Variants in EPN2 observed in about 807,000 individuals in gnomAD.
EPN2 encodes the protein epsin 2.
EPN2 carries 34 observed loss-of-function variants against 61.7 expected under a neutral mutation model. The ratio of observed to expected loss-of-function variants is 0.55; its 90% confidence interval spans 0.42 to 0.73. The LOEUF (loss-of-function observed/expected upper bound fraction) is 0.73. EPN2 is among the 30% of genes least tolerant of loss of function. The pLI is 0.00. For synonymous variants in EPN2, 349 were observed against 353.6 expected (o/e 0.99, Z 0.15); for missense variants, 714 against 839.2 (o/e 0.85, Z 1.84).
intron 7 of EPN2, among the ~76,000 whole-genome samples, chr17:19,322,990 CAG>C (rs1477262512): frequency 1.3e-5 from 2 of 152,126 alleles, no homozygotes; most frequent in African/African-American, 4.8e-5. Flanking sequence ...CTCGGAGGCT[CAG>C]GGGAGCATTC....
At chr17:19,272,934 C>T (rs2152212975) in intron 1 of EPN2, among the ~76,000 whole-genome samples, 1 of 152,322 alleles carries the variant, frequency 6.6e-6, no homozygotes, top group South Asian at 2.1e-4. Context: ...AAAAAGACTG[C>T]ATTTCCTCAC....
chr17:19,326,770 C>T (rs537917738), intron 7 of EPN2, among the ~76,000 whole-genome samples: 4 of 150,186 alleles, frequency 2.7e-5, no homozygotes, highest in South Asian at 2.1e-4. Context: ...ACTTGACTTA[C>T]GACAGAGGAG....
chr17:19,239,895 T>G (rs2079505134), intron 1 of EPN2, among the ~76,000 whole-genome samples: 1 of 152,188 alleles, frequency 6.6e-6, no homozygotes, highest in South Asian at 2.1e-4. Context: ...TTCTCTGTTA[T>G]CACTAACCCT....
intron 1 of EPN2, among the ~76,000 whole-genome samples, chr17:19,260,213 C>G (rs2045126175): frequency 6.6e-6 from 1 of 152,186 alleles, no homozygotes; most frequent in Non-Finnish European, 1.5e-5. Context: ...GAATCTGCTA[C>G]CTTATGATGG....
Position 19,238,335 on chromosome 17 carries a change from G to C in EPN2, c.-294+804G>C, listed in dbSNP as rs903955017. 2.0e-5 allele frequency among the ~76,000 whole-genome samples: 3 copies of C among 152,330 alleles called. No homozygotes were observed. In the South Asian group the frequency reaches 6.2e-4, roughly 32 times the overall value. On this transcript the variant is annotated intron_variant, in intron 1 of 10. Coordinates refer to ENST00000314728, the MANE Select transcript of EPN2 (RefSeq NM_014964.5). Reference sequence around the variant, plus strand: ...TCCCCTAGAGCCGAGAGCCGAGCGCGTTGGGAGGCTGGCCTTTGCTAGAGG... The same window carrying C: ...TCCCCTAGAGCCGAGAGCCGAGCGCCTTGGGAGGCTGGCCTTTGCTAGAGG...
At chr17:19,269,210 T>C (rs1207065390) in intron 1 of EPN2, among the ~76,000 whole-genome samples, 1 of 152,216 alleles carries the variant, frequency 6.6e-6, no homozygotes, top group Non-Finnish European at 1.5e-5. Flanking sequence ...TGGGGTAGAC[T>C]CTGACATTGA....
intron 1 of EPN2, among the ~76,000 whole-genome samples, chr17:19,258,726 TGTGGACAGCGCG>T (rs1482441596): frequency 5.9e-5 from 9 of 152,186 alleles, no homozygotes; most frequent in Non-Finnish European, 8.8e-5. Context: ...CGATGCTGCG[TGTGGACAGCGCG>T]GTTTGTGAGA....
At chr17:19,294,927 A>G (rs546123682) in intron 4 of EPN2, among the ~76,000 whole-genome samples, 9 of 152,246 alleles carry the variant, frequency 5.9e-5, no homozygotes, top group Non-Finnish European at 1.2e-4. Flanking sequence ...AGCAGTTGCT[A>G]GTTTCAAATA....
intron 1 of EPN2, among the ~76,000 whole-genome samples, chr17:19,267,199 G>T (rs2045208835): frequency 6.6e-6 from 1 of 151,882 alleles, no homozygotes; most frequent in African/African-American, 2.4e-5. Context: ...TCCATAGGGA[G>T]TAGATTTGTC....
At position 19,290,222 on chromosome 17, in the gene EPN2, C is replaced by T. The variant is rs112971767; in HGVS notation, c.766+4432C>T. On this transcript the variant is annotated intron_variant, in intron 4 of 10. Transcript: ENST00000314728. The stretch of plus-strand genomic sequence containing the variant: ...CAGGCCCAGGGGGTTGAGGGATTTG[C>T]CTAAGATCACGCAGAGATGGCAGCT... 7.4e-3 allele frequency among the ~76,000 whole-genome samples: 1,126 copies of T among 152,246 alleles called. 20 individuals are homozygous for T. The highest frequency in any genetic ancestry group is 0.026 in the African/African-American group (1,080 of 41,548).
intron 4 of EPN2, among the ~76,000 whole-genome samples, chr17:19,292,276 G>T (rs2045473034): frequency 6.6e-6 from 1 of 152,160 alleles, no homozygotes; most frequent in Non-Finnish European, 1.5e-5. Context: ...GAGGTGGTTG[G>T]TGGCCACCAG....
At chr17:19,266,583 T>C (rs1567847824) in intron 1 of EPN2, among the ~76,000 whole-genome samples, 1 of 151,780 alleles carries the variant, frequency 6.6e-6, no homozygotes, top group Non-Finnish European at 1.5e-5. Context: ...TTTGTATTTT[T>C]AGTAGAGGTG....
chr17:19,276,158 C>T (rs972452487), intron 1 of EPN2, among the ~76,000 whole-genome samples: 2 of 152,044 alleles, frequency 1.3e-5, no homozygotes, highest in Non-Finnish European at 2.9e-5. Context: ...CTGGTCATCT[C>T]TTCCTGCAAA....
At chr17:19,252,882 G>A (rs2045029959) in intron 1 of EPN2, among the ~76,000 whole-genome samples, 1 of 152,064 alleles carries the variant, frequency 6.6e-6, no homozygotes, top group Non-Finnish European at 1.5e-5. Context: ...TTAGAGATGG[G>A]GTTTCACCAT....
chr17:19,328,908 C>CT, intron 8 of EPN2, 21 bp downstream of exon 8: 1 of 1,593,130 alleles, frequency 6.3e-7, no homozygotes, highest in South Asian at 1.1e-5. Context: ...CACTCACCCA[C>CT]TTTCCTGCCT....
chr17:19,265,946 C>T (rs2045192997), intron 1 of EPN2, among the ~76,000 whole-genome samples: 2 of 152,176 alleles, frequency 1.3e-5, no homozygotes. Context: ...GTTCATGTTT[C>T]CACTCTGTTT....
At chr17:19,254,179 AAGGG>A (rs752435350) in intron 1 of EPN2, among the ~76,000 whole-genome samples, 133 of 144,050 alleles carry the variant, frequency 9.2e-4, no homozygotes, top group Non-Finnish European at 1.3e-3. Context: ...AAAAAGAAAG[AAGGG>A]AGGGAGGGAG....
chr17:19,284,213 G>A (rs1193665622), intron 3 of EPN2, among the ~76,000 whole-genome samples: 1 of 152,216 alleles, frequency 6.6e-6, no homozygotes, highest in Non-Finnish European at 1.5e-5. Context: ...ACTTGTACAG[G>A]TTGCTAGTGT....
chr17:19,320,117 T>C (rs1214830950), intron 7 of EPN2, among the ~76,000 whole-genome samples: 1 of 152,242 alleles, frequency 6.6e-6, no homozygotes, highest in African/African-American at 2.4e-5. Context: ...GCCTAATCTT[T>C]ATATTGTGTC....
Sources: allele counts gnomAD v4.1 joint callset (sites outside exome capture counted in the v4.1 genomes callset), GRCh38; gene constraint gnomAD v4.1.1; transcripts MANE v1.5; gene names NCBI Gene and HGNC (gene_info 2026-07-23, HGNC 2026-07-21).